Variants in FBXL7 observed in about 807,000 individuals in gnomAD.
FBXL7 encodes F-box/LRR-repeat protein 7.
Under a neutral mutation model 38.3 loss-of-function variants are expected in FBXL7, and 12 were observed. The ratio of observed to expected loss-of-function variants is 0.31; its 90% CI spans 0.20 to 0.51. The LOEUF (loss-of-function observed/expected upper bound fraction) is 0.51, where lower values mean the gene tolerates loss of function less well. Among genes scored for constraint, FBXL7 ranks in the 20% least tolerant of loss-of-function variants. The pLI, the probability that FBXL7 is intolerant of heterozygous loss-of-function variation, is 0.98. For missense variants in FBXL7, 567 were observed against 676.4 expected (o/e 0.84, Z 1.79); for synonymous variants, 297 against 300.9 (o/e 0.99, Z 0.13).
chr5:15,641,883 A>G (rs1240420810), intron 2 of FBXL7, among the ~76,000 whole-genome samples: 2 of 151,714 alleles, frequency 1.3e-5, no homozygotes, highest in Non-Finnish European at 2.9e-5. Context: ...CCTTCATGTT[A>G]TAATACATTT....
intron 2 of FBXL7, among the ~76,000 whole-genome samples, chr5:15,665,781 T>C (rs551585684): frequency 1.1e-4 from 16 of 152,204 alleles, no homozygotes; most frequent in Non-Finnish European, 2.2e-4. Context: ...GCGCTCAAAG[T>C]ATCTGCCAAG....
intron 2 of FBXL7, among the ~76,000 whole-genome samples, chr5:15,637,785 C>G (rs115687489): frequency 1.3e-5 from 2 of 152,202 alleles, no homozygotes; most frequent in African/African-American, 2.4e-5. Flanking sequence ...GCATCATTCT[C>G]TGGACTCCAT....
intron 2 of FBXL7, among the ~76,000 whole-genome samples, chr5:15,886,697 A>G (rs1740692061): frequency 6.6e-6 from 1 of 152,204 alleles, no homozygotes; most frequent in Non-Finnish European, 1.5e-5. Context: ...TCCCTTAACT[A>G]GCAGGGTACA....
At chr5:15,813,516 G>T (rs1737925457) in intron 2 of FBXL7, among the ~76,000 whole-genome samples, 1 of 152,110 alleles carries the variant, frequency 6.6e-6, no homozygotes, top group Admixed American at 6.5e-5. Context: ...ATAGGCATGG[G>T]CAAGGACTTC....
At chr5:15,929,624 T>TG (rs1320894016) in intron 3 of FBXL7, among the ~76,000 whole-genome samples, 2 of 102,812 alleles carry the variant, frequency 1.9e-5, no homozygotes, top group African/African-American at 9.7e-5. Flanking sequence ...ACCCTGTCTC[T>TG]GAAAAAAAAA....
intron 2 of FBXL7, among the ~76,000 whole-genome samples, chr5:15,740,962 A>T (rs376374243): frequency 1.3e-5 from 2 of 152,184 alleles, no homozygotes; most frequent in Non-Finnish European, 2.9e-5. Context: ...GTTGCTTAGG[A>T]CAACCATACA....
At chr5:15,895,391 C>CTT (rs1741065977) in intron 2 of FBXL7, among the ~76,000 whole-genome samples, 1 of 152,016 alleles carries the variant, frequency 6.6e-6, no homozygotes, top group Non-Finnish European at 1.5e-5. Context: ...AAGTATCATG[C>CTT]TTAGCACATG....
At chr5:15,532,759 A>G (rs1314976915) in intron 1 of FBXL7, among the ~76,000 whole-genome samples, 1 of 152,230 alleles carries the variant, frequency 6.6e-6, no homozygotes, top group African/African-American at 2.4e-5. Flanking sequence ...TTAAGGAGGA[A>G]AATCCGAGTT....
intron 2 of FBXL7, among the ~76,000 whole-genome samples, chr5:15,800,908 A>T (rs1338041400): frequency 1.3e-5 from 2 of 152,210 alleles, no homozygotes; most frequent in Non-Finnish European, 2.9e-5. Flanking sequence ...TTCTCCAGAG[A>T]AACAGAAACA....
chr5:15,880,954 T>A (rs1179718256), intron 2 of FBXL7, among the ~76,000 whole-genome samples: 2 of 151,938 alleles, frequency 1.3e-5, no homozygotes, highest in East Asian at 3.8e-4. Context: ...GTTTTAGAGA[T>A]AAGAAAACTG....
At chr5:15,500,849 TCTC>T in intron 1 of FBXL7, 136 bp downstream of exon 1, 2 of 1,070,398 alleles carry the variant, frequency 1.9e-6, no homozygotes, top group South Asian at 1.5e-5. Context: ...GTCACCACCT[TCTC>T]CTTTGGCAGT....
At position 15,834,976 on chromosome 5, in the gene FBXL7, A is replaced by G. The variant is rs572794261; in HGVS notation, c.128-92914A>G. Among the ~76,000 whole-genome samples the G allele has an allele frequency of 4.1e-4, 63 of 152,330 alleles. 1 individual carries two copies. Among genetic ancestry groups the G allele is most frequent in the African/African-American group, 1.5e-3 (62 of 41,580 alleles). On this transcript the variant is annotated intron_variant, in intron 2 of 3. Coordinates refer to ENST00000504595, the MANE Select transcript of FBXL7 (RefSeq NM_012304.5). ...TCCAGAAGCTATGTGTTAATCACATATCAGTAGGAAATCCTTCCAAGTAAT... is the reference window on the plus strand; with the variant it reads ...TCCAGAAGCTATGTGTTAATCACATGTCAGTAGGAAATCCTTCCAAGTAAT...
chr5:15,603,115 C>T (rs1288320196), intron 1 of FBXL7, among the ~76,000 whole-genome samples: 1 of 152,220 alleles, frequency 6.6e-6, no homozygotes, highest in Non-Finnish European at 1.5e-5. Context: ...GTTGAGATTA[C>T]AGGCAGGAGC....
intron 3 of FBXL7, among the ~76,000 whole-genome samples, chr5:15,935,917 C>T (rs1742170629): frequency 6.6e-6 from 1 of 152,160 alleles, no homozygotes; most frequent in Non-Finnish European, 1.5e-5. Flanking sequence ...GGTGTGACTC[C>T]TAACCCAGTG....
At chr5:15,890,389 C>G (rs1335401586) in intron 2 of FBXL7, among the ~76,000 whole-genome samples, 2 of 152,164 alleles carry the variant, frequency 1.3e-5, no homozygotes, top group Non-Finnish European at 2.9e-5. Flanking sequence ...GCTGGGATTA[C>G]AGGCATGACG....
chr5:15,726,146 G>A (rs959691548), intron 2 of FBXL7, among the ~76,000 whole-genome samples: 3 of 152,110 alleles, frequency 2.0e-5, no homozygotes, highest in African/African-American at 7.2e-5. Context: ...TTGACTTAAA[G>A]TATATTTTGT....
intron 2 of FBXL7, among the ~76,000 whole-genome samples, chr5:15,703,814 T>G (rs182889430): frequency 1.9e-4 from 29 of 152,336 alleles, no homozygotes; most frequent in African/African-American, 5.8e-4. Flanking sequence ...GACTCCTAAG[T>G]AATAATGACC....
At chr5:15,707,174 GT>G (rs71603796) in intron 2 of FBXL7, among the ~76,000 whole-genome samples, 3,302 of 70,230 alleles carry the variant, frequency 0.047, 4 homozygotes, top group African/African-American at 0.064. Flanking sequence ...TTTTCTTTTC[GT>G]TTTTTTTTTT....
At chr5:15,520,086 A>G (rs979581888) in intron 1 of FBXL7, among the ~76,000 whole-genome samples, 1 of 152,222 alleles carries the variant, frequency 6.6e-6, no homozygotes, top group Non-Finnish European at 1.5e-5. Context: ...ATATATTGCC[A>G]TGGCATTTGT....
Sources: gnomAD v4.1 joint callset for allele counts (sites outside exome capture counted in the v4.1 genomes callset) on GRCh38, gnomAD v4.1.1 for gene constraint, MANE v1.5 for transcripts, NCBI Gene and HGNC (gene_info 2026-07-23, HGNC 2026-07-21) for gene names.